The following RGS10 variants were observed in gnomAD, a reference collection of about 807,000 sequenced individuals.
RGS10 encodes the protein regulator of G protein signaling 10, also known as regulator of G-protein signalling 10.
A neutral mutation model predicts 23.5 loss-of-function variants in RGS10; 11 were observed. The observed-to-expected ratio is 0.47, with a 90% CI of 0.29 to 0.77. RGS10 has a LOEUF of 0.77. Ranked by LOEUF, RGS10 falls within the 30% of genes least tolerant of loss-of-function variation. The pLI is 0.08. For synonymous variants in RGS10, 77 were observed against 83.2 expected, an observed-to-expected ratio of 0.92 and a Z score of 0.41; for missense variants, 180 against 226.3, an observed-to-expected ratio of 0.80 and a Z score of 1.31.
intron 1 of RGS10, among the ~76,000 whole-genome samples, chr10:119,536,838 G>T (rs1026997104): frequency 6.6e-6 from 1 of 152,050 alleles, no homozygotes; most frequent in Non-Finnish European, 1.5e-5. Flanking sequence ...TGACATTTCT[G>T]CGTAAAGCTG....
intron 1 of RGS10, among the ~76,000 whole-genome samples, chr10:119,541,379 T>C (rs1844433432): frequency 6.6e-6 from 1 of 152,176 alleles, no homozygotes; most frequent in South Asian, 2.1e-4. Flanking sequence ...AACAACCCTA[T>C]GAAATCCTAC....
Position 119,500,093 on chromosome 10 carries a change from A to G in RGS10, c.*20T>C. On this transcript the variant is annotated 3_prime_UTR_variant, in exon 5 of 5. Transcript: ENST00000369103. ...AATTCCTTTGCTTCTTAAAGCTGCCAGTCCCGGCTTTTTGGGGGCTCATGT... is the reference window on the plus strand; with the variant it reads ...AATTCCTTTGCTTCTTAAAGCTGCCGGTCCCGGCTTTTTGGGGGCTCATGT... 1.9e-6 allele frequency: 3 copies of G among 1,608,840 alleles called. No homozygotes were observed. The highest frequency in any genetic ancestry group is 1.7e-6 in the Non-Finnish European group (2 of 1,178,446).
At chr10:119,528,196 A>G (rs977972198) in intron 1 of RGS10, among the ~76,000 whole-genome samples, 8 of 151,936 alleles carry the variant, frequency 5.3e-5, no homozygotes, top group African/African-American at 1.9e-4. Context: ...GCACCCAGCT[A>G]ATTTTTGTAT....
chr10:119,541,416 C>T (rs1290142324), intron 1 of RGS10, among the ~76,000 whole-genome samples: 1 of 152,130 alleles, frequency 6.6e-6, no homozygotes, highest in Non-Finnish European at 1.5e-5. Flanking sequence ...TTTGCAAAAC[C>T]TGATGGATGG....
intron 1 of RGS10, 120 bp downstream of exon 1, chr10:119,542,470 C>G: frequency 1.2e-6 from 1 of 860,014 alleles, no homozygotes; most frequent in Non-Finnish European, 1.6e-6. Flanking sequence ...GTGCGGTCGG[C>G]CGGGGCTCCA....
At chr10:119,537,744 C>A (rs1429702936) in intron 1 of RGS10, among the ~76,000 whole-genome samples, 1 of 152,200 alleles carries the variant, frequency 6.6e-6, no homozygotes, top group African/African-American at 2.4e-5. Flanking sequence ...CTTCACTAGT[C>A]CACAAATAAA....
chr10:119,521,014 C>A (rs113402463), intron 3 of RGS10, among the ~76,000 whole-genome samples: 3 of 152,254 alleles, frequency 2.0e-5, no homozygotes, highest in African/African-American at 7.2e-5. Flanking sequence ...AGAATTCACA[C>A]AATGAATGAA....
chr10:119,535,267 T>C (rs1354561898), intron 1 of RGS10, among the ~76,000 whole-genome samples: 1 of 111,056 alleles, frequency 9.0e-6, no homozygotes, highest in Non-Finnish European at 2.0e-5. Flanking sequence ...GTCCAATCCA[T>C]GCAGAAAAAA....
At position 119,542,597 on chromosome 10, in the gene RGS10, C is replaced by A; in HGVS notation, c.42G>T (p.Pro14=). The A allele has an allele frequency of 7.0e-7, 1 of 1,423,436 alleles. No individual in the cohort carries two copies. The highest frequency in any genetic ancestry group is 9.2e-7 in the Non-Finnish European group (1 of 1,086,354). The allele number at this position is 1,423,436 out of a possible 1,614,324, so 88.2% of individuals were successfully genotyped here. The part of the protein sequence containing the change: ...RAVSRLSRKR[P]PSDIHDSDGS... ...GCCCCCGAAGCCGCTTACCTGACGG[C>A]GGCCGCTTCCTGCTCAGCCGGCTCA... Residue 14 remains proline, a synonymous_variant, in exon 1 of 5, where the codon CCG becomes CCT. Transcript: ENST00000369103.
intron 3 of RGS10, among the ~76,000 whole-genome samples, chr10:119,521,501 CAG>C (rs1420229304): frequency 6.7e-6 from 1 of 149,832 alleles, no homozygotes; most frequent in Non-Finnish European, 1.5e-5. Context: ...ACCTGGAAGA[CAG>C]AGGTTGCAGT....
At position 119,538,553 on chromosome 10, in the gene RGS10, G is replaced by C. The variant is rs1051153537; in HGVS notation, c.49+4037C>G. Among the ~76,000 whole-genome samples, 32 of 152,176 alleles carry C rather than the reference G, an allele frequency of 2.1e-4. No homozygotes were observed. Among genetic ancestry groups the C allele is most frequent in the African/African-American group, 7.0e-4 (29 of 41,442 alleles). The stretch of plus-strand genomic sequence containing the variant: ...GTCCAGTCCCTCCAGGGGTAGAGTA[G>C]GGAGCAGGAAAAATGGGGCTGGGAA... On this transcript the variant is annotated intron_variant, in intron 1 of 4. Transcript: ENST00000369103. This position sits in a 1 kb window ranked among gnomAD's most constrained non-coding sequence, Gnocchi z 4.5.
At chr10:119,509,395 C>G (rs1844052011) in intron 4 of RGS10, among the ~76,000 whole-genome samples, 1 of 151,638 alleles carries the variant, frequency 6.6e-6, no homozygotes, top group African/African-American at 2.4e-5. Context: ...TTGAGACCAG[C>G]CTGGGCAACA....
intron 4 of RGS10, among the ~76,000 whole-genome samples, chr10:119,512,652 G>A (rs1052231317): frequency 9.9e-5 from 15 of 152,084 alleles, no homozygotes; most frequent in African/African-American, 3.6e-4. Flanking sequence ...GGCTTAAGCA[G>A]TTCTCCTGCC....
At chr10:119,537,164 G>A (rs1175524441) in intron 1 of RGS10, among the ~76,000 whole-genome samples, 4 of 151,784 alleles carry the variant, frequency 2.6e-5, no homozygotes, top group African/African-American at 7.3e-5. Flanking sequence ...AGGCCGAGGC[G>A]GGCAGATCAC....
At chr10:119,536,472 C>T (rs745533079) in intron 1 of RGS10, 19 of 1,612,874 alleles carry the variant, frequency 1.2e-5, no homozygotes, top group Admixed American at 1.7e-5. Flanking sequence ...ACGTTCCATG[C>T]TCTGGTGTCC....
At chr10:119,513,862 A>G (rs1406301085) in intron 4 of RGS10, among the ~76,000 whole-genome samples, 5 of 152,230 alleles carry the variant, frequency 3.3e-5, no homozygotes, top group African/African-American at 1.2e-4. Flanking sequence ...TGGGGGGAGC[A>G]TGGTCTTTGA....
intron 3 of RGS10, among the ~76,000 whole-genome samples, chr10:119,520,596 G>A (rs912165740): frequency 3.3e-5 from 5 of 152,180 alleles, no homozygotes; most frequent in South Asian, 2.1e-4. Flanking sequence ...ATGAGACGCC[G>A]AACCGAATAA....
At position 119,529,825 on chromosome 10, in the gene RGS10, G is replaced by C. The variant is rs559987848; in HGVS notation, c.50-2401C>G. Among the ~76,000 whole-genome samples the C allele has an allele frequency of 3.3e-5, 5 of 152,330 alleles. No individual in the cohort carries two copies. In the East Asian group the frequency reaches 9.6e-4, roughly 29 times the overall value. ...AGAAATCAGCAAGGCCGGGCGAGGT[G>C]GCTCACTCCTGTAATCCCAGCACTT... On this transcript the variant is annotated intron_variant, in intron 1 of 4. Transcript: ENST00000369103.
intron 4 of RGS10, among the ~76,000 whole-genome samples, chr10:119,512,626 C>T (rs1306894595): frequency 6.6e-6 from 1 of 152,138 alleles, no homozygotes; most frequent in Non-Finnish European, 1.5e-5. Context: ...CGGCTCAGTG[C>T]AGCCTCAGCC....
Sources: gnomAD v4.1 joint callset for allele counts (sites outside exome capture counted in the v4.1 genomes callset) on GRCh38, gnomAD v4.1.1 for gene constraint, Gnocchi (gnomAD v3.1) non-coding constraint, MANE v1.5 for transcripts, NCBI Gene and HGNC (gene_info 2026-07-23, HGNC 2026-07-21) for gene names.